Variants in DPP6 observed in about 807,000 individuals in gnomAD.
DPP6 encodes the protein dipeptidyl peptidase like 6, also known as A-type potassium channel modulatory protein DPP6.
In DPP6, 69 loss-of-function variants were observed where a neutral mutation model predicts 122.6. The observed-to-expected ratio is 0.56, with a 90% confidence interval of 0.46 to 0.69. The LOEUF (loss-of-function observed/expected upper bound fraction) is 0.69, where lower values mean the gene tolerates loss of function less well. Ranked by LOEUF, DPP6 falls within the 30% of genes least tolerant of loss-of-function variation. The probability of loss-of-function intolerance (pLI) is 0.00; values close to 1 mark genes in which losing one functional copy is unlikely to be tolerated. For missense variants in DPP6, 928 were observed against 1,116.9 expected (o/e 0.83, Z 2.41); for synonymous variants, 418 against 433.1 (o/e 0.97, Z 0.43).
chr7:154,183,733 G>A (rs918705490), intron 1 of DPP6, among the ~76,000 whole-genome samples: 3 of 152,274 alleles, frequency 2.0e-5, no homozygotes, highest in East Asian at 1.9e-4. Context: ...CCACAACACC[G>A]GATAGAAACC....
chr7:154,792,487 C>A (rs1797744034), intron 10 of DPP6, among the ~76,000 whole-genome samples: 1 of 152,320 alleles, frequency 6.6e-6, no homozygotes, highest in Non-Finnish European at 1.5e-5. Flanking sequence ...AAATAATGAC[C>A]AAATCCCATC....
At chr7:153,893,071 A>G (rs908931615) in intron 1 of DPP6, among the ~76,000 whole-genome samples, 1 of 152,242 alleles carries the variant, frequency 6.6e-6, no homozygotes, top group Non-Finnish European at 1.5e-5. Flanking sequence ...ATTTCCAGAA[A>G]GAAGATCCCA....
chr7:154,243,828 C>G (rs887151426), intron 1 of DPP6, among the ~76,000 whole-genome samples: 5 of 151,524 alleles, frequency 3.3e-5, no homozygotes, highest in Non-Finnish European at 5.9e-5. Context: ...AGAAGAAATG[C>G]TAGCCAAACT....
chr7:154,320,847 G>A (rs1290383064), intron 1 of DPP6, among the ~76,000 whole-genome samples: 1 of 152,134 alleles, frequency 6.6e-6, no homozygotes, highest in Non-Finnish European at 1.5e-5. Flanking sequence ...AGTTTTAGAG[G>A]AGGTAGTGTT....
intron 1 of DPP6, among the ~76,000 whole-genome samples, chr7:154,213,850 GAGGAGACCCTGGAAAAGC>G (rs943040644): frequency 6.6e-6 from 1 of 152,202 alleles, no homozygotes; most frequent in African/African-American, 2.4e-5. Context: ...ACAGGCCAGG[GAGGAGACCCTGGAAAAGC>G]AGGGACAGAA....
chr7:154,704,040 G>T (rs909025747), intron 7 of DPP6, among the ~76,000 whole-genome samples: 16 of 152,204 alleles, frequency 1.1e-4, no homozygotes, highest in African/African-American at 3.9e-4. Context: ...TTCTGGAAAG[G>T]ATTTATCATC....
At chr7:153,836,767 T>A in the DPP6 span, among the ~76,000 whole-genome samples, 1 of 152,220 alleles carries the variant, frequency 6.6e-6, no homozygotes, top group Admixed American at 6.5e-5. Context: ...TATTTTAAGT[T>A]TATTGTAGCA....
At chr7:154,172,202 G>C (rs1463883192) in intron 1 of DPP6, among the ~76,000 whole-genome samples, 1 of 152,020 alleles carries the variant, frequency 6.6e-6, no homozygotes, top group African/African-American at 2.4e-5. Flanking sequence ...TGTGCCAGGG[G>C]CTGTGGAGTA....
chr7:154,060,116 G>A (rs1428056206), intron 1 of DPP6, among the ~76,000 whole-genome samples: 2 of 138,244 alleles, frequency 1.4e-5, no homozygotes, highest in East Asian at 4.5e-4. Flanking sequence ...CTCCCGAGGC[G>A]GGACTGCAAA....
chr7:154,795,050 C>G (rs1240392424), intron 11 of DPP6, among the ~76,000 whole-genome samples: 1 of 152,080 alleles, frequency 6.6e-6, no homozygotes, highest in Admixed American at 6.5e-5. Flanking sequence ...GACCTTTTAT[C>G]TAACCTGGGG....
intron 3 of DPP6, among the ~76,000 whole-genome samples, chr7:154,492,408 A>C (rs1824355942): frequency 1.3e-5 from 2 of 152,212 alleles, no homozygotes; most frequent in Admixed American, 1.3e-4. Flanking sequence ...CCCGCAGTGC[A>C]TGTTGATTTA....
the DPP6 span, among the ~76,000 whole-genome samples, chr7:153,837,078 A>AG: frequency 6.6e-6 from 1 of 152,162 alleles, no homozygotes; most frequent in Non-Finnish European, 1.5e-5. Context: ...TTTGACACTG[A>AG]GATCAGAAGA....
chr7:154,557,432 G>C (rs1298667556), intron 4 of DPP6, among the ~76,000 whole-genome samples: 2 of 152,138 alleles, frequency 1.3e-5, no homozygotes, highest in Non-Finnish European at 1.5e-5. Flanking sequence ...CCCCACTGTT[G>C]CCACTCTTGT....
At chr7:154,891,058 ATC>A (rs1180170136) in intron 25 of DPP6, 1 of 152,146 alleles carries the variant, frequency 6.6e-6, no homozygotes, top group Non-Finnish European at 1.5e-5. Flanking sequence ...GCAAGACCCC[ATC>A]TCTACAAAAA....
At chr7:154,744,332 A>G (rs547022397) in intron 8 of DPP6, among the ~76,000 whole-genome samples, 64 of 152,328 alleles carry the variant, frequency 4.2e-4, no homozygotes, top group South Asian at 2.7e-3. Context: ...TGAAAATCTG[A>G]GCGATCAAGG....
At chr7:153,993,045 C>G (rs1197362369) in intron 1 of DPP6, among the ~76,000 whole-genome samples, 1 of 152,108 alleles carries the variant, frequency 6.6e-6, no homozygotes, top group African/African-American at 2.4e-5. Context: ...CACATGCATC[C>G]AAACATTTTT....
intron 1 of DPP6, among the ~76,000 whole-genome samples, chr7:154,181,915 AT>A (rs1798108958): frequency 6.6e-6 from 1 of 151,838 alleles, no homozygotes; most frequent in Non-Finnish European, 1.5e-5. Context: ...CACCCAGCTA[AT>A]TTTTTTATTT....
At chr7:154,225,582 A>T (rs1261978721) in intron 1 of DPP6, among the ~76,000 whole-genome samples, 1 of 152,088 alleles carries the variant, frequency 6.6e-6, no homozygotes, top group Non-Finnish European at 1.5e-5. Context: ...GAGAAAAAAA[A>T]ATCTCATTGG....
intron 2 of DPP6, among the ~76,000 whole-genome samples, chr7:154,463,454 G>A (rs1465816724): frequency 2.0e-5 from 3 of 151,906 alleles, no homozygotes; most frequent in East Asian, 1.9e-4. Context: ...TGATCCGCCC[G>A]TCTCGGCCTC....
Sources: gnomAD v4.1 joint callset for allele counts (sites outside exome capture counted in the v4.1 genomes callset) on GRCh38, gnomAD v4.1.1 for gene constraint, MANE v1.5 for transcripts, NCBI Gene and HGNC (gene_info 2026-07-23, HGNC 2026-07-21) for gene names.